VAV2: variants seen among roughly 807,000 people sequenced by gnomAD.
VAV2 encodes the protein guanine nucleotide exchange factor VAV2.
In VAV2, 67 loss-of-function variants were observed where a neutral mutation model predicts 132.5. The observed-to-expected ratio is 0.51, with a 90% CI of 0.42 to 0.62. The LOEUF (loss-of-function observed/expected upper bound fraction) is 0.62. Ranked by LOEUF, VAV2 falls within the 20% of genes least tolerant of loss-of-function variation. VAV2 has a pLI of 0.00. For synonymous variants in VAV2, 492 were observed against 443.5 expected (o/e 1.11, Z -1.37); for missense variants, 938 against 1,153.6 (o/e 0.81, Z 2.71).
intron 6 of VAV2, among the ~76,000 whole-genome samples, chr9:133,809,979 C>T (rs1194718127): frequency 6.6e-6 from 1 of 152,218 alleles, no homozygotes; most frequent in Admixed American, 6.5e-5. Flanking sequence ...GTCTGCCAGG[C>T]TGCAGGTCTC....
chr9:133,894,063 T>C (rs1839094045), intron 2 of VAV2, among the ~76,000 whole-genome samples: 1 of 152,012 alleles, frequency 6.6e-6, no homozygotes, highest in South Asian at 2.1e-4. Flanking sequence ...TGAGAATCCA[T>C]CCCCCACTCC....
chr9:133,805,953 G>C, intron 9 of VAV2, 128 bp downstream of exon 9: 1 of 979,134 alleles, frequency 1.0e-6, no homozygotes, highest in East Asian at 2.6e-5. Context: ...AGGGAGGACG[G>C]GGTCCAGAGG....
chr9:133,794,516 T>C lies in VAV2; in HGVS notation c.1101+1152A>G, dbSNP rs563410096. 6.6e-6 allele frequency among the ~76,000 whole-genome samples: 1 copy of C among 152,262 alleles called. No individual in the cohort carries two copies. The highest frequency in any genetic ancestry group is 2.1e-4 in the South Asian group (1 of 4,816). On this transcript the variant is annotated intron_variant, in intron 12 of 29. Transcript: ENST00000371850. The surrounding 1 kb of genome is among the most constrained non-coding windows in gnomAD (Gnocchi z 4.6). ...TCCCGTCCCAGCCCAACAGCAGCTA[T>C]AGACAGAGACAGATTACAGCCCCTC...
chr9:133,832,752 T>C (rs530471057), intron 4 of VAV2, among the ~76,000 whole-genome samples: 1 of 152,226 alleles, frequency 6.6e-6, no homozygotes, highest in South Asian at 2.1e-4. Context: ...AGAGACAGGG[T>C]TTCACCATGT....
intron 2 of VAV2, among the ~76,000 whole-genome samples, chr9:133,936,888 C>T (rs1464538193): frequency 6.6e-6 from 1 of 152,240 alleles, no homozygotes; most frequent in Non-Finnish European, 1.5e-5. Context: ...CAAGAAGCCC[C>T]TTCTGCAGCC....
chr9:133,985,930 G>A (rs148879555), intron 1 of VAV2, among the ~76,000 whole-genome samples: 8 of 152,008 alleles, frequency 5.3e-5, no homozygotes, highest in Non-Finnish European at 1.2e-4. Flanking sequence ...TGGCAGCAAG[G>A]GACAGAATGA....
At chr9:133,974,069 A>G (rs936567151) in intron 1 of VAV2, among the ~76,000 whole-genome samples, 1 of 152,140 alleles carries the variant, frequency 6.6e-6, no homozygotes, top group Non-Finnish European at 1.5e-5. Context: ...CGCAGGGCTC[A>G]GCTAAAAGGT....
rs1442231327 is a variant in VAV2, at chr9:133,939,292, C to A, written c.205-73G>T. The A allele has an allele frequency of 2.3e-6, 3 of 1,313,214 alleles. No homozygotes were observed. In the Admixed American group the frequency reaches 5.0e-5, roughly 22 times the overall value. The allele number at this position is 1,313,214 out of a possible 1,614,324, so 81.3% of individuals were successfully genotyped here. A position where few individuals can be genotyped will look rare whatever the true frequency, so the allele number is the denominator to read the frequency against. ...GTAAGCTCTGTAAAAACCGTAACAG[C>A]AACAGCAGCAAGCTCTGGCTTCCGT... On this transcript the variant is annotated intron_variant, in intron 1 of 29. Transcript: ENST00000371850.
Position 133,879,326 on chromosome 9 carries a change from C to T in VAV2, c.322-17894G>A, listed in dbSNP as rs1838394175. 2.6e-5 allele frequency among the ~76,000 whole-genome samples: 4 copies of T among 152,146 alleles called. No homozygotes were observed. Among genetic ancestry groups the T allele is most frequent in the Non-Finnish European group, 4.4e-5 (3 of 67,982 alleles). ...GGAACCAGCAGGGTGTGATCAATGC[C>T]GCAGGGTAAAGAACAGAGCAGCTGG... On this transcript the variant is annotated intron_variant, in intron 2 of 29. Coordinates refer to ENST00000371850, the MANE Select transcript of VAV2 (RefSeq NM_001134398.2). This position sits in a 1 kb window ranked among gnomAD's most constrained non-coding sequence, Gnocchi z 4.4.
intron 2 of VAV2, among the ~76,000 whole-genome samples, chr9:133,911,772 C>A (rs1418834794): frequency 6.6e-6 from 1 of 152,240 alleles, no homozygotes; most frequent in African/African-American, 2.4e-5. Context: ...TCCGCCTGGG[C>A]GGGGAGGGCT....
intron 2 of VAV2, among the ~76,000 whole-genome samples, chr9:133,862,940 A>G (rs1837655817): frequency 6.6e-6 from 1 of 152,164 alleles, no homozygotes; most frequent in Non-Finnish European, 1.5e-5. Flanking sequence ...GCCTTCCTGT[A>G]CGTGCTCGTG....
chr9:133,839,139 G>A lies in VAV2; in HGVS notation c.381-4799C>T, dbSNP rs145889843. 9.1e-3 allele frequency among the ~76,000 whole-genome samples: 1,380 copies of A among 151,716 alleles called. 8 individuals are homozygous for A. The highest frequency in any genetic ancestry group is 0.013 in the Non-Finnish European group (875 of 67,862). On this transcript the variant is annotated intron_variant, in intron 3 of 29. Transcript: ENST00000371850. Reference sequence around the variant, plus strand: ...GGGTAGCTAGATGGGTAAATGGCTGGGTTGGTGGGATGGGTGGATGAGTGG... The same window carrying A: ...GGGTAGCTAGATGGGTAAATGGCTGAGTTGGTGGGATGGGTGGATGAGTGG...
At chr9:133,894,064 C>G (rs2519775) in intron 2 of VAV2, among the ~76,000 whole-genome samples, 111,044 of 152,184 alleles carry the variant, frequency 0.73, 42,926 homozygotes, top group Middle Eastern at 0.9. Flanking sequence ...GAGAATCCAT[C>G]CCCCACTCCC....
chr9:133,765,902 T>G (rs556664), intron 29 of VAV2, among the ~76,000 whole-genome samples: 65,065 of 152,074 alleles, frequency 0.43, 14,451 homozygotes, highest in Non-Finnish European at 0.46. Flanking sequence ...TTACTGACAC[T>G]TTTAAGTTGA....
At position 133,856,485 on chromosome 9, in the gene VAV2, G is replaced by GC. The variant is rs1359721249; in HGVS notation, c.380+4888dup. On this transcript the variant is annotated intron_variant, in intron 3 of 29. Transcript: ENST00000371850. ...CCACCGGGACCCCATGCTGGTATGT[G>GC]CCCCCCACTGGGACCCCATGCTGAT... 4.6e-5 allele frequency among the ~76,000 whole-genome samples: 7 copies of GC among 151,894 alleles called. No individual in the cohort carries two copies. In the South Asian group the frequency reaches 1.5e-3, roughly 32 times the overall value.
chr9:133,815,364 G>A (rs1190709285), intron 4 of VAV2, among the ~76,000 whole-genome samples: 3 of 152,026 alleles, frequency 2.0e-5, no homozygotes, highest in Non-Finnish European at 2.9e-5. Flanking sequence ...CGCCCTTAGT[G>A]GTACCTTTCT....
intron 2 of VAV2, among the ~76,000 whole-genome samples, chr9:133,874,711 C>A (rs1838195863): frequency 6.6e-6 from 1 of 152,196 alleles, no homozygotes; most frequent in Admixed American, 6.5e-5. Flanking sequence ...TGCGCTGCTT[C>A]TTCCTTGGAC....
At chr9:133,876,690 C>T (rs2131921846) in intron 2 of VAV2, among the ~76,000 whole-genome samples, 1 of 152,262 alleles carries the variant, frequency 6.6e-6, no homozygotes, top group Admixed American at 6.5e-5. Context: ...GGGGCGGCCC[C>T]AAGGAGTCTT....
intron 4 of VAV2, among the ~76,000 whole-genome samples, chr9:133,832,258 A>G (rs752810778): frequency 6.6e-6 from 1 of 152,252 alleles, no homozygotes; most frequent in Non-Finnish European, 1.5e-5. Flanking sequence ...AGGATGGAGC[A>G]GCTTCACACA....
Sources: gnomAD v4.1 joint callset for allele counts (sites outside exome capture counted in the v4.1 genomes callset) on GRCh38, gnomAD v4.1.1 for gene constraint, Gnocchi (gnomAD v3.1) non-coding constraint, MANE v1.5 for transcripts, NCBI Gene and HGNC (gene_info 2026-07-23, HGNC 2026-07-21) for gene names.